RAB27A: variants seen among roughly 807,000 people sequenced by gnomAD.
RAB27A encodes the protein RAB27A, member RAS oncogene family.
Under a neutral mutation model 20.8 loss-of-function variants are expected in RAB27A, and 17 were observed. The observed-to-expected ratio is 0.82, with a 90% confidence interval of 0.56 to 1.23. The LOEUF is 1.23. Among genes scored for constraint, RAB27A ranks in the 50% most tolerant of loss-of-function variants. The probability of loss-of-function intolerance (pLI) is 0.00; values close to 1 mark genes in which losing one functional copy is unlikely to be tolerated. For synonymous variants in RAB27A, 85 were observed against 92.8 expected (o/e 0.92, Z 0.48); for missense variants, 277 against 266.7 (o/e 1.04, Z -0.27).
chr15:55,302,167 ACT>A (rs1198083339), intron 2 of RAB27A, among the ~76,000 whole-genome samples: 3 of 123,950 alleles, frequency 2.4e-5, no homozygotes, highest in Non-Finnish European at 4.7e-5. Flanking sequence ...ACAGAGGGAG[ACT>A]CTGTCTCAAA....
At chr15:55,295,791 C>A (rs2054946032) in intron 2 of RAB27A, among the ~76,000 whole-genome samples, 2 of 151,714 alleles carry the variant, frequency 1.3e-5, no homozygotes, top group Admixed American at 6.6e-5. Flanking sequence ...ATTTGCACAA[C>A]ATTGTGAATG....
intron 6 of RAB27A, among the ~76,000 whole-genome samples, chr15:55,216,223 G>A (rs766183519): frequency 2.4e-4 from 37 of 152,082 alleles, no homozygotes; most frequent in Non-Finnish European, 5.1e-4. Context: ...AAGCTTATTT[G>A]TAATGATGTT....
At chr15:55,277,960 T>A (rs974906126) in intron 1 of RAB27A, among the ~76,000 whole-genome samples, 5 of 152,332 alleles carry the variant, frequency 3.3e-5, no homozygotes, top group African/African-American at 1.2e-4. Context: ...AAAGATAATA[T>A]CTGCTTTGAA....
intron 2 of RAB27A, among the ~76,000 whole-genome samples, chr15:55,268,618 C>CA (rs1376640637): frequency 1.3e-5 from 2 of 152,124 alleles, no homozygotes; most frequent in Non-Finnish European, 2.9e-5. Flanking sequence ...TACACACTCA[C>CA]AAAGCTAGAT....
intron 5 of RAB27A, among the ~76,000 whole-genome samples, chr15:55,227,393 G>C (rs751910883): frequency 6.6e-6 from 1 of 152,168 alleles, no homozygotes; most frequent in Non-Finnish European, 1.5e-5. Context: ...CGGGCTGAGA[G>C]TAAGAGACCA....
chr15:55,207,119 G>A (rs1947396621), intron 6 of RAB27A, among the ~76,000 whole-genome samples: 1 of 152,102 alleles, frequency 6.6e-6, no homozygotes, highest in African/African-American at 2.4e-5. Context: ...CATCAGATTG[G>A]CAAAAATATA....
intron 2 of RAB27A, among the ~76,000 whole-genome samples, chr15:55,304,687 T>C (rs1343051706): frequency 6.6e-6 from 1 of 152,200 alleles, no homozygotes; most frequent in Non-Finnish European, 1.5e-5. Context: ...ACATACTTCA[T>C]TTATCTTCTT....
At chr15:55,299,394 C>G (rs1397787781) in intron 2 of RAB27A, among the ~76,000 whole-genome samples, 1 of 152,038 alleles carries the variant, frequency 6.6e-6, no homozygotes, top group Non-Finnish European at 1.5e-5. Context: ...AGGAGTTCAA[C>G]ACCAGCCTGG....
At chr15:55,230,287 T>C (rs1895977019) in intron 4 of RAB27A, 114 bp downstream of exon 4, 17 of 990,308 alleles carry the variant, frequency 1.7e-5, no homozygotes, top group Non-Finnish European at 2.6e-5. Flanking sequence ...TTTGGCAGCA[T>C]TCAAGTGCAA....
intron 2 of RAB27A, among the ~76,000 whole-genome samples, chr15:55,304,943 G>T (rs1168481453): frequency 6.6e-6 from 1 of 152,214 alleles, no homozygotes; most frequent in Non-Finnish European, 1.5e-5. Flanking sequence ...GGGACCCAAA[G>T]AGGGTAGCAG....
intron 2 of RAB27A, among the ~76,000 whole-genome samples, chr15:55,298,259 T>C (rs1040479769): frequency 2.0e-5 from 3 of 148,958 alleles, no homozygotes; most frequent in Admixed American, 6.7e-5. Flanking sequence ...CCTGCCCCGA[T>C]AGTCACATAG....
intron 1 of RAB27A, among the ~76,000 whole-genome samples, chr15:55,271,974 C>T (rs1897722043): frequency 6.6e-6 from 1 of 152,106 alleles, no homozygotes; most frequent in African/African-American, 2.4e-5. Context: ...TGAAAATGCA[C>T]CTCTTTCTTT....
At chr15:55,250,434 G>T (rs996217524) in intron 2 of RAB27A, among the ~76,000 whole-genome samples, 2 of 152,142 alleles carry the variant, frequency 1.3e-5, no homozygotes, top group African/African-American at 4.8e-5. Flanking sequence ...TATTAGTTGA[G>T]AAGACTGTAC....
intron 1 of RAB27A, chr15:55,317,647 G>A (rs1420908865): frequency 2.5e-6 from 1 of 398,470 alleles, no homozygotes. Context: ...CTTCTCTTCT[G>A]ATTCTTGTAC....
chr15:55,292,150 T>G (rs1418813768), upstream of RAB27A, among the ~76,000 whole-genome samples: 1 of 152,200 alleles, frequency 6.6e-6, no homozygotes, highest in African/African-American at 2.4e-5. Context: ...GTGCGGTGAA[T>G]AACCCTGCAA....
chr15:55,249,300 G>A lies in RAB27A; in HGVS notation c.-22-14344C>T, dbSNP rs184677451. On this transcript the variant is annotated intron_variant, in intron 2 of 6. Coordinates refer to ENST00000336787, the MANE Select transcript of RAB27A (RefSeq NM_183235.3). Reference sequence around the variant, plus strand: ...ATTAAGTGTATTTATTTAGAGGCAGGGTCTCACTCTGTCACCCAGGCTGGA... The same window carrying A: ...ATTAAGTGTATTTATTTAGAGGCAGAGTCTCACTCTGTCACCCAGGCTGGA... Among the ~76,000 whole-genome samples the A allele has an allele frequency of 3.3e-5, 5 of 152,134 alleles. No homozygotes were observed. The East Asian group carries it at 9.6e-4, about 29-fold the overall frequency.
At chr15:55,300,748 A>C (rs2141142078) in intron 2 of RAB27A, among the ~76,000 whole-genome samples, 1 of 152,274 alleles carries the variant, frequency 6.6e-6, no homozygotes, top group African/African-American at 2.4e-5. Context: ...GGGCGAGGGC[A>C]GGATGGTAGG....
upstream of RAB27A, chr15:55,290,435 G>C (rs1011794711): frequency 6.6e-6 from 1 of 152,244 alleles, no homozygotes; most frequent in Non-Finnish European, 1.5e-5. Flanking sequence ...AAAAAATTTC[G>C]CAGGAAAAAA....
intron 6 of RAB27A, among the ~76,000 whole-genome samples, chr15:55,208,192 T>C (rs926377041): frequency 6.6e-6 from 1 of 152,228 alleles, no homozygotes; most frequent in African/African-American, 2.4e-5. Flanking sequence ...TGTATCAACA[T>C]GGCAAAAATT....
Sources: allele counts gnomAD v4.1 joint callset (sites outside exome capture counted in the v4.1 genomes callset), GRCh38; gene constraint gnomAD v4.1.1; transcripts MANE v1.5; gene names NCBI Gene and HGNC (gene_info 2026-07-23, HGNC 2026-07-21).